Variants in CSTF3 observed in about 807,000 individuals in gnomAD.
The protein encoded by CSTF3 is CF-1 77 kDa subunit.
CSTF3 carries 29 observed loss-of-function variants against 105.8 expected under a neutral mutation model. That is an observed-to-expected ratio of 0.27 (90% CI 0.20 to 0.37). The LOEUF is 0.37. CSTF3 is among the 10% of genes least tolerant of loss of function. The pLI, the probability that CSTF3 is intolerant of heterozygous loss-of-function variation, is 1.00. For missense variants in CSTF3, 357 were observed against 879.3 expected (o/e 0.41, Z 7.51); for synonymous variants, 252 against 281.9 (o/e 0.89, Z 1.06).
Position 33,161,433 on chromosome 11 carries a change from G to T in CSTF3, c.-108C>A. On this transcript the variant is annotated 5_prime_UTR_variant, in exon 1 of 21. Coordinates refer to ENST00000323959, the MANE Select transcript of CSTF3 (RefSeq NM_001326.3). ...CAGTAAAGTTACCCCCTGCCCAGCT[G>T]AGCCAGACCGCCAACACCAATCGCC... The T allele has an allele frequency of 8.3e-7, 1 of 1,202,756 alleles. No individual in the cohort carries two copies. 74.5% of individuals were successfully genotyped at this position (1,202,756 alleles called of 1,614,324 possible).
intron 9 of CSTF3, 115 bp from the exon 10 acceptor site, chr11:33,102,454 CT>C: frequency 1.2e-6 from 1 of 838,610 alleles, no homozygotes; most frequent in South Asian, 1.8e-5. Flanking sequence ...CCAAATACCA[CT>C]TTGTTAATAT....
At chr11:33,093,781 C>T (rs774794306) in intron 15 of CSTF3, among the ~76,000 whole-genome samples, 26 of 152,134 alleles carry the variant, frequency 1.7e-4, no homozygotes, top group Non-Finnish European at 3.4e-4. Flanking sequence ...AATATCAGCT[C>T]ACTGCAACGT....
chr11:33,130,376 G>C (rs1855586353), intron 3 of CSTF3, among the ~76,000 whole-genome samples: 1 of 152,162 alleles, frequency 6.6e-6, no homozygotes, highest in Non-Finnish European at 1.5e-5. Flanking sequence ...GGGAGGCTGA[G>C]CCAGGAGAAT....
chr11:33,096,412 CAAGTAAAGA>C lies in CSTF3; in HGVS notation c.1273-13_1273-5del. Reference sequence around the variant, plus strand: ...TCTTAAAGGCAACAGATTTGTCCTACAAGTAAAGAAAGTAAAGTACAGATTTCCATGAAA... The same window carrying C: ...TCTTAAAGGCAACAGATTTGTCCTACAAGTAAAGTACAGATTTCCATGAAA... On this transcript the variant is annotated splice_region_variant and splice_polypyrimidine_tract_variant and intron_variant, in intron 14 of 20. Transcript: ENST00000323959. 6.4e-7 allele frequency: 1 copy of C among 1,563,178 alleles called. No individual in the cohort carries two copies. Among genetic ancestry groups the C allele is most frequent in the Non-Finnish European group, 8.7e-7 (1 of 1,152,242 alleles).
chr11:33,159,999 T>C (rs531170439), intron 1 of CSTF3, among the ~76,000 whole-genome samples: 3 of 152,096 alleles, frequency 2.0e-5, no homozygotes, highest in South Asian at 2.1e-4. Context: ...CATGGTAACA[T>C]TTCCGTGTCT....
chr11:33,147,798 C>A (rs1855803471), intron 1 of CSTF3, among the ~76,000 whole-genome samples: 1 of 152,076 alleles, frequency 6.6e-6, no homozygotes, highest in Admixed American at 6.6e-5. Context: ...GACAAAGAAT[C>A]CTACAAGGTA....
At chr11:33,139,516 T>A (rs781745338) in intron 3 of CSTF3, among the ~76,000 whole-genome samples, 3 of 151,870 alleles carry the variant, frequency 2.0e-5, no homozygotes, top group Non-Finnish European at 4.4e-5. Flanking sequence ...AGTGATATGA[T>A]CAAAGAAAAC....
intron 1 of CSTF3, among the ~76,000 whole-genome samples, chr11:33,158,436 G>C (rs1299808361): frequency 6.6e-6 from 1 of 152,142 alleles, no homozygotes; most frequent in Non-Finnish European, 1.5e-5. Context: ...CCAGTAAACA[G>C]ACACAGACCA....
At position 33,141,723 on chromosome 11, in the gene CSTF3, G is replaced by T. The variant is rs1855713956; in HGVS notation, c.169C>A (p.Leu57Ile). 1.2e-6 allele frequency: 2 copies of T among 1,611,358 alleles called. No individual in the cohort carries two copies. Among genetic ancestry groups the T allele is most frequent in the East Asian group, 4.5e-5 (2 of 44,850 alleles). The change falls in exon 3 of 21, where the codon CTT (leucine) becomes ATT (isoleucine). Residue 57 changes from leucine to isoleucine, a missense_variant. Leu to Ile is a conservative substitution (Grantham distance 5). Coordinates refer to ENST00000323959, the MANE Select transcript of CSTF3 (RefSeq NM_001326.3). ...CCAGAACTGGGGAACTGGGCAACAA[G>T]GCGTTCATAAGTCTTCCGTGCTTTG... is the stretch of plus-strand genomic sequence containing the variant. ...IDKARKTYER[L>I]VAQFPSSGRF...
At chr11:33,108,098 A>G in intron 4 of CSTF3, 98 bp from the exon 5 acceptor site, 1 of 719,498 alleles carries the variant, frequency 1.4e-6, no homozygotes. Context: ...AGCTCCCTTT[A>G]TGAATTTATC....
intron 1 of CSTF3, among the ~76,000 whole-genome samples, chr11:33,160,069 C>T (rs1045171088): frequency 2.0e-5 from 3 of 151,340 alleles, no homozygotes; most frequent in African/African-American, 4.9e-5. Flanking sequence ...TCAATGAAAC[C>T]TCAGTTCATT....
intron 10 of CSTF3, among the ~76,000 whole-genome samples, chr11:33,101,509 G>T (rs937356765): frequency 6.6e-6 from 1 of 152,174 alleles, no homozygotes; most frequent in Non-Finnish European, 1.5e-5. Context: ...TATTTAATCT[G>T]AGATTAATGG....
At chr11:33,119,855 A>G (rs990111502) in intron 3 of CSTF3, among the ~76,000 whole-genome samples, 3 of 151,796 alleles carry the variant, frequency 2.0e-5, no homozygotes, top group Admixed American at 6.6e-5. Context: ...GAAGTGACCT[A>G]ATTCCAAGTT....
chr11:33,127,253 A>G (rs1421994043), intron 3 of CSTF3, among the ~76,000 whole-genome samples: 2 of 152,222 alleles, frequency 1.3e-5, no homozygotes, highest in African/African-American at 4.8e-5. Flanking sequence ...TAATTATTAA[A>G]TCAGCCTACC....
At chr11:33,127,273 T>TA (rs933003644) in intron 3 of CSTF3, among the ~76,000 whole-genome samples, 1 of 152,290 alleles carries the variant, frequency 6.6e-6, no homozygotes, top group Admixed American at 6.5e-5. Flanking sequence ...CTGAATGTAC[T>TA]AAAAAAACCT....
chr11:33,112,226 C>G, intron 3 of CSTF3, among the ~76,000 whole-genome samples: 1 of 151,614 alleles, frequency 6.6e-6, no homozygotes. Flanking sequence ...TTCACTGCAG[C>G]CTGGGTGACA....
At chr11:33,142,545 A>G (rs1159003141) in intron 1 of CSTF3, among the ~76,000 whole-genome samples, 1 of 152,154 alleles carries the variant, frequency 6.6e-6, no homozygotes, top group Non-Finnish European at 1.5e-5. Context: ...TTTTATTCAA[A>G]TAAACTTACT....
At chr11:33,091,618 AAG>A (rs1855169811) in intron 16 of CSTF3, among the ~76,000 whole-genome samples, 1 of 152,250 alleles carries the variant, frequency 6.6e-6, no homozygotes, top group Admixed American at 6.5e-5. Context: ...TTGAATTTAC[AAG>A]AGTCTTTGCT....
intron 1 of CSTF3, among the ~76,000 whole-genome samples, chr11:33,154,541 G>C (rs1206316704): frequency 7.2e-6 from 1 of 138,430 alleles, no homozygotes; most frequent in Non-Finnish European, 1.5e-5. Flanking sequence ...CTGTCACCTA[G>C]GCTGGAGTGC....
Sources: allele counts gnomAD v4.1 joint callset (sites outside exome capture counted in the v4.1 genomes callset), GRCh38; gene constraint gnomAD v4.1.1; transcripts MANE v1.5; gene names NCBI Gene and HGNC (gene_info 2026-07-23, HGNC 2026-07-21).